ATP2B1: variants seen among roughly 807,000 people sequenced by gnomAD.
The protein encoded by ATP2B1 is plasma membrane calcium-transporting ATPase 1.
ATP2B1 carries 14 observed loss-of-function variants against 124.2 expected under a neutral mutation model. The ratio of observed to expected loss-of-function variants is 0.11; its 90% CI spans 0.07 to 0.18. ATP2B1 has a LOEUF of 0.18. Ranked by LOEUF, ATP2B1 falls within the 10% of genes least tolerant of loss-of-function variation. ATP2B1 has a pLI of 1.00. For missense variants in ATP2B1, 763 were observed against 1,466.1 expected (o/e 0.52, Z 7.83); for synonymous variants, 449 against 492.4 (o/e 0.91, Z 1.17).
At chr12:89,668,336 G>C (rs969389750) in intron 1 of ATP2B1, among the ~76,000 whole-genome samples, 1 of 152,080 alleles carries the variant, frequency 6.6e-6, no homozygotes. Flanking sequence ...CATTGCAAAA[G>C]ATTAATGCTA....
At chr12:89,653,589 G>T (rs540423352) in intron 2 of ATP2B1, among the ~76,000 whole-genome samples, 1 of 152,086 alleles carries the variant, frequency 6.6e-6, no homozygotes, top group Admixed American at 6.5e-5. Flanking sequence ...GAGCCACCGC[G>T]CCCGGCCTCA....
At chr12:89,619,695 A>G (rs1325878862) in intron 11 of ATP2B1, among the ~76,000 whole-genome samples, 1 of 152,028 alleles carries the variant, frequency 6.6e-6, no homozygotes, top group Non-Finnish European at 1.5e-5. Flanking sequence ...GATTCTGCAT[A>G]TTAAATAACA....
intron 1 of ATP2B1, among the ~76,000 whole-genome samples, chr12:89,660,174 AAC>A (rs1886530308): frequency 6.6e-6 from 1 of 152,182 alleles, no homozygotes; most frequent in South Asian, 2.1e-4. Context: ...GTGTTTTCTT[AAC>A]GCACTGTTGG....
intron 11 of ATP2B1, 70 bp from the exon 12 acceptor site, chr12:89,617,109 T>G: frequency 8.6e-7 from 1 of 1,160,360 alleles, no homozygotes; most frequent in Non-Finnish European, 1.3e-6. Flanking sequence ...TTAAGTGAAC[T>G]GGCAGGCCTA....
intron 1 of ATP2B1, among the ~76,000 whole-genome samples, chr12:89,701,226 T>C (rs1891814779): frequency 6.6e-6 from 1 of 152,194 alleles, no homozygotes; most frequent in Admixed American, 6.5e-5. Context: ...GCTCAGTCTT[T>C]GGTCTGTCTA....
At chr12:89,599,577 T>C (rs531405147) in intron 19 of ATP2B1, among the ~76,000 whole-genome samples, 6 of 152,300 alleles carry the variant, frequency 3.9e-5, no homozygotes, top group African/African-American at 1.2e-4. Context: ...AGACAGTACA[T>C]TGTAAAACCA....
chr12:89,604,768 GGTAA>G (rs1279208169), intron 15 of ATP2B1, among the ~76,000 whole-genome samples: 1 of 152,092 alleles, frequency 6.6e-6, no homozygotes, highest in Non-Finnish European at 1.5e-5. Context: ...ACAGCCAAAT[GGTAA>G]GTAACTCAGC....
chr12:89,626,942 A>G (rs1328271818), intron 7 of ATP2B1, among the ~76,000 whole-genome samples: 2 of 152,178 alleles, frequency 1.3e-5, no homozygotes, highest in Non-Finnish European at 2.9e-5. Context: ...CCTCCCCTAT[A>G]ATTTATGACC....
intron 2 of ATP2B1, among the ~76,000 whole-genome samples, chr12:89,645,849 A>C (rs938388193): frequency 5.9e-5 from 9 of 152,190 alleles, no homozygotes; most frequent in Admixed American, 2.0e-4. Context: ...GTGGTAACTA[A>C]CCTGCATTTT....
chr12:89,595,147 A>G (rs1043483244), intron 20 of ATP2B1, among the ~76,000 whole-genome samples: 3 of 152,188 alleles, frequency 2.0e-5, no homozygotes, highest in African/African-American at 7.2e-5. Context: ...ACAGTCTGTC[A>G]TAATTATACA....
At chr12:89,642,477 T>C (rs1423079653) in intron 2 of ATP2B1, 122 bp from the exon 3 acceptor site, 12 of 939,992 alleles carry the variant, frequency 1.3e-5, no homozygotes, top group Non-Finnish European at 1.7e-5. Context: ...CTTTCATGCT[T>C]TAAGTGTACA....
At chr12:89,604,396 T>C (rs1252509957) in intron 15 of ATP2B1, 50 bp from the exon 16 acceptor site, 3 of 1,412,032 alleles carry the variant, frequency 2.1e-6, no homozygotes, top group Non-Finnish European at 2.9e-6. Flanking sequence ...AGTATAACTT[T>C]CAAATAGTCA....
At chr12:89,637,110 G>A (rs1487997138) in intron 3 of ATP2B1, among the ~76,000 whole-genome samples, 5 of 152,012 alleles carry the variant, frequency 3.3e-5, no homozygotes, top group Admixed American at 3.3e-4. Context: ...CATTTTACTG[G>A]GTTTTGATGT....
chr12:89,646,718 G>A (rs78214486), intron 2 of ATP2B1, among the ~76,000 whole-genome samples: 2,341 of 152,290 alleles, frequency 0.015, 56 homozygotes, highest in African/African-American at 0.054. Context: ...AGAGCTGAAC[G>A]GACAGTGGGA....
chr12:89,686,685 T>C (rs531628381), intron 1 of ATP2B1, among the ~76,000 whole-genome samples: 2 of 152,252 alleles, frequency 1.3e-5, no homozygotes, highest in South Asian at 2.1e-4. Context: ...ACAAAGGCCA[T>C]TTCCATGTTT....
At chr12:89,645,922 C>G (rs967960991) in intron 2 of ATP2B1, among the ~76,000 whole-genome samples, 1 of 152,074 alleles carries the variant, frequency 6.6e-6, no homozygotes, top group Non-Finnish European at 1.5e-5. Context: ...AGGAAAAAGA[C>G]CAGTTGGGAG....
At chr12:89,705,173 A>T (rs1348717428) in intron 1 of ATP2B1, among the ~76,000 whole-genome samples, 1 of 152,112 alleles carries the variant, frequency 6.6e-6, no homozygotes, top group African/African-American at 2.4e-5. Context: ...TAAAAAGTGA[A>T]TTTTTTAAAG....
At chr12:89,602,920 T>C (rs975813943) in intron 18 of ATP2B1, 123 bp downstream of exon 18, 12 of 801,326 alleles carry the variant, frequency 1.5e-5, no homozygotes, top group Non-Finnish European at 2.4e-5. Flanking sequence ...ACCATGATAT[T>C]ATATATGTCA....
At chr12:89,708,274 C>G (rs1892754756) in intron 1 of ATP2B1, among the ~76,000 whole-genome samples, 1 of 152,158 alleles carries the variant, frequency 6.6e-6, no homozygotes, top group Non-Finnish European at 1.5e-5. Context: ...GAGGCGGCTT[C>G]GTGAAGCCGA....
Sources: gnomAD v4.1 joint callset for allele counts (sites outside exome capture counted in the v4.1 genomes callset) on GRCh38, gnomAD v4.1.1 for gene constraint, MANE v1.5 for transcripts, NCBI Gene and HGNC (gene_info 2026-07-23, HGNC 2026-07-21) for gene names.